The following CPT1A variants were observed in gnomAD, a reference collection of about 807,000 sequenced individuals.
The protein encoded by CPT1A is carnitine palmitoyltransferase 1A, also known as carnitine O-palmitoyltransferase 1, liver isoform.
A neutral mutation model predicts 100.8 loss-of-function variants in CPT1A; 64 were observed. The observed-to-expected ratio is 0.63, with a 90% CI of 0.52 to 0.78. The LOEUF (loss-of-function observed/expected upper bound fraction) is 0.78, where lower values mean the gene tolerates loss of function less well. Ranked by LOEUF, CPT1A falls within the 30% of genes least tolerant of loss-of-function variation. The pLI is 0.00. For synonymous variants in CPT1A, 363 were observed against 396.0 expected, an observed-to-expected ratio of 0.92 and a Z score of 0.99; for missense variants, 802 against 1,034.1, an observed-to-expected ratio of 0.78 and a Z score of 3.08.
In CPT1A at chr11:68,784,853, G is replaced by A. The variant is rs777650233; in HGVS notation, c.1125C>T (p.Pro375=). The A allele has an allele frequency of 7.4e-6, 12 of 1,612,830 alleles. No homozygotes were observed. Among genetic ancestry groups the A allele is most frequent in the Non-Finnish European group, 9.3e-6 (11 of 1,180,030 alleles). Residue 375 remains proline (P), a synonymous_variant, in exon 10 of 19, where the codon CCC becomes CCT. Transcript: ENST00000265641. ...TGAGGGCTGCCAGCCTGGCCTCCCC[G>A]GGCTGAGGCTCCGAGGTATTGTCCA... The part of the protein sequence containing the change: ...RILDNTSEPQ[P]GEARLAALTA...
intron 9 of CPT1A, among the ~76,000 whole-genome samples, chr11:68,791,463 G>A (rs2153999331): frequency 6.6e-6 from 1 of 152,342 alleles, no homozygotes; most frequent in South Asian, 2.1e-4. Flanking sequence ...TACAATGGAC[G>A]ACAGTGTGTG....
chr11:68,812,376 T>C (rs1409216873), intron 3 of CPT1A, 61 bp downstream of exon 3: 1 of 1,599,290 alleles, frequency 6.3e-7, no homozygotes, highest in Non-Finnish European at 8.6e-7. Context: ...TGAAGAGACA[T>C]AAAAACAGCA....
chr11:68,761,533 A>T lies in CPT1A; in HGVS notation c.2028+2T>A. 6.2e-7 allele frequency: 1 copy of T among 1,613,880 alleles called. No homozygotes were observed. On this transcript the variant is annotated splice_donor_variant, in intron 16 of 18. Coordinates refer to ENST00000265641, the MANE Select transcript of CPT1A (RefSeq NM_001876.4). LOFTEE classifies it high-confidence loss of function. ...CTGACGGAAGAAGTGGAAGAGACTTACTTCCTTAAGGAAAGGGGACTCCAC... is the reference window on the plus strand; with the variant it reads ...CTGACGGAAGAAGTGGAAGAGACTTTCTTCCTTAAGGAAAGGGGACTCCAC...
intron 1 of CPT1A, among the ~76,000 whole-genome samples, chr11:68,828,709 G>A (rs548681754): frequency 6.7e-6 from 1 of 150,372 alleles, no homozygotes; most frequent in East Asian, 2.0e-4. Context: ...TGAGGAGGGT[G>A]GCAGGGGCAT....
chr11:68,780,507 C>T lies in CPT1A; in HGVS notation c.1458+133G>A, dbSNP rs926480944. The T allele has an allele frequency of 2.1e-5, 15 of 725,010 alleles. 1 individual carries two copies. The highest frequency in any genetic ancestry group is 1.4e-4 in the African/African-American group (8 of 57,170). The allele number at this position is 725,010 out of a possible 1,614,324, so 44.9% of individuals were successfully genotyped here. On this transcript the variant is annotated intron_variant, in intron 12 of 18. Coordinates refer to ENST00000265641, the MANE Select transcript of CPT1A (RefSeq NM_001876.4). The stretch of plus-strand genomic sequence containing the variant: ...CCATGTTGGCCAGGCTGGTCTTGAA[C>T]TCCTGACCTCAGGTGATCTGCCCGC...
intron 1 of CPT1A, among the ~76,000 whole-genome samples, chr11:68,816,855 G>GGT (rs1247752894): frequency 2.8e-5 from 4 of 143,950 alleles, no homozygotes; most frequent in South Asian, 2.3e-4. Flanking sequence ...GTGCGTGTGT[G>GGT]GTGTGTGTGT....
In CPT1A at chr11:68,804,126, A is replaced by G. The variant is rs776872882; in HGVS notation, c.454-25T>C. 7.0e-6 allele frequency: 11 copies of G among 1,567,750 alleles called. No individual in the cohort carries two copies. The East Asian group carries it at 1.1e-4, about 16-fold the overall frequency. On this transcript the variant is annotated intron_variant, in intron 4 of 18. Coordinates refer to ENST00000265641, the MANE Select transcript of CPT1A (RefSeq NM_001876.4). ...CCTGAAGAGAGAGAATTATATTTTC[A>G]GACTACTGCCATACTACTCTGAAGG...
chr11:68,835,148 A>G (rs148152678), intron 1 of CPT1A, among the ~76,000 whole-genome samples: 1 of 152,344 alleles, frequency 6.6e-6, no homozygotes, highest in African/African-American at 2.4e-5. Flanking sequence ...AAGATAGCCA[A>G]CGTATTGACA....
Position 68,794,833 on chromosome 11 carries a change from G to A in CPT1A, c.850C>T (p.Arg284Cys), listed in dbSNP as rs754406570. ...TTGATTTCCTCCCGGTCCAGTTTGC[G>A]CCTGTAAAGCAGGATGGCATGGATG... ...NAIHAILLYRRKLDREEIKPI... is the reference protein window; with the variant it reads ...NAIHAILLYRCKLDREEIKPI... Residue 284 changes from arginine (R) to cysteine (C), a missense_variant, in exon 8 of 19, where the codon CGC (arginine) becomes TGC (cysteine). Transcript: ENST00000265641. 32 of 1,614,066 alleles carry A rather than the reference G, an allele frequency of 2.0e-5. No homozygotes were observed. The highest frequency in any genetic ancestry group is 2.7e-5 in the African/African-American group (2 of 75,022).
At chr11:68,839,360 C>T (rs543379794) in intron 1 of CPT1A, among the ~76,000 whole-genome samples, 12 of 152,336 alleles carry the variant, frequency 7.9e-5, no homozygotes, top group Admixed American at 2.6e-4. Flanking sequence ...CGCCCCTTCC[C>T]CCAAGCCCCG....
At chr11:68,781,110 A>G (rs912683428) in intron 11 of CPT1A, among the ~76,000 whole-genome samples, 13 of 152,138 alleles carry the variant, frequency 8.5e-5, no homozygotes, top group Non-Finnish European at 1.9e-4. Context: ...CACTTTACAG[A>G]TAAGAAAAAG....
intron 12 of CPT1A, among the ~76,000 whole-genome samples, chr11:68,779,932 T>G (rs1051295091): frequency 2.6e-5 from 4 of 152,170 alleles, no homozygotes; most frequent in Non-Finnish European, 5.9e-5. Flanking sequence ...TGCATGTTTA[T>G]AAACCCAGAT....
Position 68,768,066 on chromosome 11 carries a change from CTTTTTTTTTTT to C in CPT1A, c.1740+5188_1740+5198del, listed in dbSNP as rs71043448. The stretch of plus-strand genomic sequence containing the variant: ...TCTCAGACACTTTCTAGTTTCCAGT[CTTTTTTTTTTT>C]TTTTTTTTTTTTTTTTGAGAGGGAG... On this transcript the variant is annotated intron_variant, in intron 14 of 18. Coordinates refer to ENST00000265641, the MANE Select transcript of CPT1A (RefSeq NM_001876.4). Among the ~76,000 whole-genome samples the C allele has an allele frequency of 5.8e-4, 41 of 71,252 alleles. No individual in the cohort carries two copies. In the South Asian group the frequency reaches 9.8e-3, roughly 17 times the overall value. 46.7% of individuals were successfully genotyped at this position (71,252 alleles called of 152,430 possible). A position where few individuals can be genotyped will look rare whatever the true frequency, so the allele number is the denominator to read the frequency against.
At chr11:68,796,821 C>A in intron 7 of CPT1A, 35 bp downstream of exon 7, 1 of 1,607,544 alleles carries the variant, frequency 6.2e-7, no homozygotes, top group East Asian at 2.2e-5. Flanking sequence ...GCCCCACCGT[C>A]CTCGTCAGAC....
chr11:68,759,688 T>C (rs779904121), intron 17 of CPT1A, 27 bp from the exon 18 acceptor site: 3 of 1,535,206 alleles, frequency 2.0e-6, no homozygotes. Context: ...TTTGAATTTG[T>C]TGCTGGGAAA....
chr11:68,771,605 T>A (rs752535836), intron 14 of CPT1A, among the ~76,000 whole-genome samples: 29 of 152,254 alleles, frequency 1.9e-4, no homozygotes, highest in Non-Finnish European at 4.3e-4. Context: ...TTACGCATAG[T>A]GAGCATGTTA....
At chr11:68,809,819 G>A (rs1465922869) in intron 3 of CPT1A, among the ~76,000 whole-genome samples, 2 of 152,246 alleles carry the variant, frequency 1.3e-5, no homozygotes, top group African/African-American at 4.8e-5. Flanking sequence ...ATTATTAAGG[G>A]CTTTAAACAG....
At position 68,781,878 on chromosome 11, in the gene CPT1A, C is replaced by T. The variant is rs750166396; in HGVS notation, c.1245G>A (p.Ala415=). The T allele has an allele frequency of 3.2e-5, 52 of 1,614,012 alleles. No homozygotes were observed. Among genetic ancestry groups the T allele is most frequent in the East Asian group, 4.5e-5 (2 of 44,892 alleles). The change falls in exon 11 of 19, where the codon GCG becomes GCA. Residue 415 remains alanine, a synonymous_variant. Coordinates refer to ENST00000265641, the MANE Select transcript of CPT1A (RefSeq NM_001876.4). ...KQSLDAVEKA[A]FFVTLDETEE... is the part of the protein sequence containing the mutation. ...CAGTTTCATCTAACGTCACAAAGAA[C>T]GCTGCTTTCTCCACAGCATCAAGAG...
rs61731902 is a variant in CPT1A at position 68,807,584 on chromosome 11, G to A, written c.336C>T (p.Thr112=). Residue 112 remains threonine (T), a synonymous_variant, in exon 4 of 19, where the codon ACC becomes ACT. Transcript: ENST00000265641. ...TGACGATGAGGGCCACCCACAGGCC[G>A]GTGCCAAACAGCACGCCGCTGACCA... ...KNVVSGVLFG[T]GLWVALIVTM... is the part of the protein sequence containing the mutation. The A allele has an allele frequency of 2.4e-4, 380 of 1,614,118 alleles. 2 individuals are homozygous for A. Among genetic ancestry groups the A allele is most frequent in the Admixed American group, 5.7e-4 (34 of 60,004 alleles).
Sources: gnomAD v4.1 joint callset for allele counts (sites outside exome capture counted in the v4.1 genomes callset) on GRCh38, gnomAD v4.1.1 for gene constraint, MANE v1.5 for transcripts, NCBI Gene and HGNC (gene_info 2026-07-23, HGNC 2026-07-21) for gene names.